STEEP1: variants seen among roughly 807,000 people sequenced by gnomAD.
STEEP1 encodes STING ER exit protein.
A neutral mutation model predicts 19.2 loss-of-function variants in STEEP1; 3 were observed. The ratio of observed to expected loss-of-function variants is 0.16; its 90% CI spans 0.07 to 0.40. The LOEUF (loss-of-function observed/expected upper bound fraction) is 0.40. Among genes scored for constraint, STEEP1 ranks in the 10% least tolerant of loss-of-function variants. The pLI is 0.99. For missense variants in STEEP1, 54 were observed against 177.1 expected (o/e 0.30, Z 3.94); for synonymous variants, 46 against 63.7 (o/e 0.72, Z 1.32).
At position 119,560,352 on chromosome X, in the gene STEEP1, C is replaced by T. The variant is rs769335743; in HGVS notation, c.158G>A (p.Arg53Gln). The T allele has an allele frequency of 3.3e-6, 4 of 1,209,293 alleles. No individual in the cohort carries two copies. Among genetic ancestry groups the T allele is most frequent in the Non-Finnish European group, 4.5e-6 (4 of 893,317 alleles). The change falls in exon 2 of 7, where the codon CGG (arginine) becomes CAG (glutamine). Residue 53 changes from arginine to glutamine, a missense_variant. Arg to Gln is a conservative substitution (Grantham distance 43). Transcript: ENST00000644802. ...CQLEKLPMRP[R>Q]DRSRVIDAAK... is the part of the protein sequence containing the mutation. ...AGCATCAATCACACGGGACCGGTCC[C>T]GGGGCCTCATGGGCAATTTCTCTAA... is the stretch of plus-strand genomic sequence containing the variant.
chrX:119,564,841 G>A (rs1388236486), intron 1 of STEEP1, among the ~76,000 whole-genome samples: 1 of 111,454 alleles, frequency 9.0e-6, no homozygotes, highest in Non-Finnish European at 1.9e-5. Context: ...CAGGATCGAG[G>A]GAGGGTTTTA....
chrX:119,540,534 T>C (rs930755866), intron 6 of STEEP1, among the ~76,000 whole-genome samples: 2 of 110,514 alleles, frequency 1.8e-5, no homozygotes, highest in African/African-American at 3.3e-5. Flanking sequence ...TTTTAAGTAA[T>C]TGTCAAAAAA....
intron 2 of STEEP1, among the ~76,000 whole-genome samples, chrX:119,548,616 G>C (rs759688636): frequency 1.2e-3 from 134 of 109,263 alleles, no homozygotes; most frequent in African/African-American, 4.2e-3. Flanking sequence ...TACTGCTAGT[G>C]AAAATGTAAA....
chrX:119,559,273 C>A (rs1162968924), intron 2 of STEEP1, among the ~76,000 whole-genome samples: 1 of 110,492 alleles, frequency 9.1e-6, no homozygotes, highest in East Asian at 2.9e-4. Context: ...CCAAACTTGT[C>A]CACTTCAGCA....
chrX:119,548,772 T>C (rs1167933075), intron 2 of STEEP1, among the ~76,000 whole-genome samples: 4 of 111,281 alleles, frequency 3.6e-5, no homozygotes, highest in Non-Finnish European at 7.5e-5. Context: ...CTCATGCTCA[T>C]TGCAGCATTA....
chrX:119,544,565 TAG>T, intron 3 of STEEP1, 74 bp from the exon 4 acceptor site: 6 of 1,001,668 alleles, frequency 6.0e-6, no homozygotes, highest in Middle Eastern at 2.6e-4. Flanking sequence ...AAAGTGTGCT[TAG>T]ACTCTGGGAA....
At chrX:119,546,250 G>A (rs769237636) in intron 2 of STEEP1, among the ~76,000 whole-genome samples, 8 of 109,729 alleles carry the variant, frequency 7.3e-5, no homozygotes, top group African/African-American at 2.7e-4. Context: ...AGACTATCCT[G>A]GCCAACATGG....
intron 1 of STEEP1, among the ~76,000 whole-genome samples, chrX:119,564,503 AG>A (rs111539730): frequency 0.016 from 1,211 of 77,653 alleles, 31 homozygotes; most frequent in African/African-American, 0.058. Context: ...CTGAAAAAAA[AG>A]GGGGGGGGGA....
At chrX:119,544,268 C>T in intron 4 of STEEP1, 85 bp downstream of exon 4, 2 of 717,197 alleles carry the variant, frequency 2.8e-6, no homozygotes, top group Non-Finnish European at 4.1e-6. Context: ...CCATAAAGAG[C>T]AGTTTCTCAT....
At chrX:119,562,690 A>C (rs1366869766) in intron 1 of STEEP1, among the ~76,000 whole-genome samples, 1 of 10,988 alleles carries the variant, frequency 9.1e-5, no homozygotes, top group Non-Finnish European at 1.5e-4. Context: ...ACTGTTTCAA[A>C]AAAAAAAAAA....
chrX:119,547,387 T>C (rs760278154), intron 2 of STEEP1, among the ~76,000 whole-genome samples: 23 of 112,272 alleles, frequency 2.0e-4, no homozygotes, highest in Non-Finnish European at 2.4e-4. Context: ...ACACTACCAA[T>C]ATACTGAGAG....
chrX:119,541,491 A>G (rs2053160950), intron 5 of STEEP1, 71 bp from the exon 6 acceptor site: 2 of 604,230 alleles, frequency 3.3e-6, no homozygotes, highest in Non-Finnish European at 5.7e-6. Context: ...GTTAAGTCAT[A>G]ATGTATACTA....
chrX:119,565,200 T>C (rs913267998), intron 1 of STEEP1, 32 bp downstream of exon 1: 3 of 1,186,691 alleles, frequency 2.5e-6, no homozygotes, highest in African/African-American at 3.6e-5. Flanking sequence ...TCTGGCTCCT[T>C]GCAGACGCCC....
chrX:119,559,116 G>A (rs1569401752), intron 2 of STEEP1, among the ~76,000 whole-genome samples: 1 of 110,056 alleles, frequency 9.1e-6, no homozygotes, highest in Admixed American at 9.8e-5. Flanking sequence ...TACTCAGGAC[G>A]CTGAGGCAGG....
intron 2 of STEEP1, among the ~76,000 whole-genome samples, chrX:119,557,942 C>G (rs1243952891): frequency 9.0e-6 from 1 of 110,765 alleles, no homozygotes; most frequent in African/African-American, 3.3e-5. Flanking sequence ...GTGTCTCACT[C>G]TGTCGCCCAG....
At chrX:119,540,231 C>A (rs753397307) in intron 6 of STEEP1, among the ~76,000 whole-genome samples, 1 of 112,334 alleles carries the variant, frequency 8.9e-6, no homozygotes, top group South Asian at 3.7e-4. Context: ...CATTTAGAAG[C>A]TTTTATAGCA....
chrX:119,549,647 A>C (rs1477112869), intron 2 of STEEP1, among the ~76,000 whole-genome samples: 1 of 112,285 alleles, frequency 8.9e-6, no homozygotes, highest in African/African-American at 3.2e-5. Context: ...GCTGGGAAGC[A>C]TAAGAGCATG....
intron 2 of STEEP1, among the ~76,000 whole-genome samples, chrX:119,546,926 C>G: frequency 9.0e-6 from 1 of 111,314 alleles, no homozygotes; most frequent in East Asian, 2.8e-4. Flanking sequence ...CTTGTTTCAA[C>G]TTTGTAATAG....
intron 2 of STEEP1, among the ~76,000 whole-genome samples, chrX:119,551,209 G>A (rs989827319): frequency 1.4e-4 from 16 of 110,564 alleles, no homozygotes; most frequent in Non-Finnish European, 3.8e-5. Flanking sequence ...GGCCAGGTGC[G>A]GCGGCTCACA....
Sources: allele counts gnomAD v4.1 joint callset (sites outside exome capture counted in the v4.1 genomes callset), GRCh38; gene constraint gnomAD v4.1.1; transcripts MANE v1.5; gene names NCBI Gene and HGNC (gene_info 2026-07-23, HGNC 2026-07-21).